Variants in ASGR1 observed in about 807,000 individuals in gnomAD.
The protein encoded by ASGR1 is asialoglycoprotein receptor 1.
In ASGR1, 35 loss-of-function variants were observed where a neutral mutation model predicts 33.1. That is an observed-to-expected ratio of 1.06 (90% confidence interval 0.81 to 1.40). The LOEUF is 1.40. ASGR1 is among the 40% of genes most tolerant of loss of function. The probability of loss-of-function intolerance (pLI) is 0.00; values close to 1 mark genes in which losing one functional copy is unlikely to be tolerated. For missense variants in ASGR1, 396 were observed against 373.7 expected, an observed-to-expected ratio of 1.06 and a Z score of -0.49; for synonymous variants, 142 against 152.5, an observed-to-expected ratio of 0.93 and a Z score of 0.51.
chr17:7,173,619 C>T lies in ASGR1; in HGVS notation c.*40G>A, dbSNP rs942657031. 5.0e-6 allele frequency: 8 copies of T among 1,610,780 alleles called. No individual in the cohort carries two copies. Among genetic ancestry groups the T allele is most frequent in the Non-Finnish European group, 6.8e-6 (8 of 1,179,832 alleles). The stretch of plus-strand genomic sequence containing the variant: ...GCCCCCAGATGGGCGGATTCCCAAT[C>T]CCGGACCCCTGCGGCAGGTCGAGGC... On this transcript the variant is annotated 3_prime_UTR_variant, in exon 9 of 9. Coordinates refer to ENST00000269299, the MANE Select transcript of ASGR1 (RefSeq NM_001671.5). This position sits in a 1 kb window ranked among gnomAD's most constrained non-coding sequence, Gnocchi z 4.7.
At chr17:7,174,939 A>G (rs2069177833) in intron 5 of ASGR1, among the ~76,000 whole-genome samples, 2 of 148,106 alleles carry the variant, frequency 1.4e-5, no homozygotes, top group Non-Finnish European at 3.0e-5. Flanking sequence ...ACCCACATAC[A>G]CAAAACACAC....
In ASGR1 at chr17:7,173,936, A is replaced by C; in HGVS notation, c.701+25T>G. 1 of 1,613,672 alleles carries C rather than the reference A, an allele frequency of 6.2e-7. No individual in the cohort carries two copies. Among genetic ancestry groups the C allele is most frequent in the Non-Finnish European group, 8.5e-7 (1 of 1,179,806 alleles). ...CCAGGGCGCGAAGGCGGCCGGACCC[A>C]GGCCGAGGGAGGGCGCGCACTCACT... is the stretch of plus-strand genomic sequence containing the variant. On this transcript the variant is annotated intron_variant, in intron 8 of 8. Coordinates refer to ENST00000269299, the MANE Select transcript of ASGR1 (RefSeq NM_001671.5). This position sits in a 1 kb window ranked among gnomAD's most constrained non-coding sequence, Gnocchi z 4.7.
At chr17:7,174,946 AC>A (rs2069178013) in intron 5 of ASGR1, among the ~76,000 whole-genome samples, 1 of 150,742 alleles carries the variant, frequency 6.6e-6, no homozygotes, top group African/African-American at 2.4e-5. Context: ...TACACAAAAC[AC>A]ACCCACAGAC....
At position 7,176,874 on chromosome 17, in the gene ASGR1, G is replaced by T. The variant is rs764709021; in HGVS notation, c.311C>A (p.Ser104Ter). The change falls in exon 5 of 9, where the codon TCG becomes TAG. Residue 104 changes from serine to a stop codon, truncating the protein, a stop_gained. Transcript: ENST00000269299. LOFTEE classifies it high-confidence loss of function. The stretch of plus-strand genomic sequence containing the variant: ...CTGTTTCTCCAGCTGGGACTCTAGC[G>T]ACTTCATCTTTCTTCCCACATTGCC... ...QGGNVGRKMK[S>*]LESQLEKQQK... is the part of the protein sequence containing the mutation. 1 of 1,612,910 alleles carries T rather than the reference G, an allele frequency of 6.2e-7. No individual in the cohort carries two copies. Among genetic ancestry groups the T allele is most frequent in the African/African-American group, 1.3e-5 (1 of 74,748 alleles).
Position 7,173,549 on chromosome 17 carries a change from C to CT in ASGR1, c.*109dup. 1.4e-6 allele frequency: 2 copies of CT among 1,444,696 alleles called. No individual in the cohort carries two copies. The highest frequency in any genetic ancestry group is 1.9e-6 in the Non-Finnish European group (2 of 1,064,324). 89.5% of individuals were successfully genotyped at this position (1,444,696 alleles called of 1,614,324 possible). A position where few individuals can be genotyped will look rare whatever the true frequency, so the allele number is the denominator to read the frequency against. Reference sequence around the variant, plus strand: ...TTCGGAACATCACCCTATCCTTCCCCTTCCCTTAAAATCCTAGATGAAAAT... The same window carrying CT: ...TTCGGAACATCACCCTATCCTTCCCCTTTCCCTTAAAATCCTAGATGAAAAT... On this transcript the variant is annotated 3_prime_UTR_variant, in exon 9 of 9. Coordinates refer to ENST00000269299, the MANE Select transcript of ASGR1 (RefSeq NM_001671.5). This position sits in a 1 kb window ranked among gnomAD's most constrained non-coding sequence, Gnocchi z 4.7.
chr17:7,176,782 TCA>T (rs1184588815), intron 5 of ASGR1, 46 bp downstream of exon 5: 5 of 1,580,434 alleles, frequency 3.2e-6, no homozygotes, highest in Admixed American at 1.7e-5. Flanking sequence ...CCACACATTC[TCA>T]CTCTCTTTCA....
At chr17:7,177,436 CA>C in intron 2 of ASGR1, 110 bp from the exon 3 acceptor site, 1 of 810,200 alleles carries the variant, frequency 1.2e-6, no homozygotes, top group Middle Eastern at 3.7e-4. Flanking sequence ...TAGGAGGAAC[CA>C]TGTACATGAA....
At chr17:7,178,721 TTTC>T (rs1422258550) in intron 1 of ASGR1, 133 bp from the exon 2 acceptor site, 1 of 502,268 alleles carries the variant, frequency 2.0e-6, no homozygotes, top group Non-Finnish European at 3.3e-6. Flanking sequence ...TTCTTTTCTT[TTTC>T]TTTTTTTTCT....
rs2069159566 is a variant in ASGR1 at position 7,173,629 on chromosome 17, T to A, written c.*30A>T. On this transcript the variant is annotated 3_prime_UTR_variant, in exon 9 of 9. Coordinates refer to ENST00000269299, the MANE Select transcript of ASGR1 (RefSeq NM_001671.5). The surrounding 1 kb of genome is among the most constrained non-coding windows in gnomAD (Gnocchi z 4.7). Reference sequence around the variant, plus strand: ...GGGCGGATTCCCAATCCCGGACCCCTGCGGCAGGTCGAGGCATTGAAGAAA... The same window carrying A: ...GGGCGGATTCCCAATCCCGGACCCCAGCGGCAGGTCGAGGCATTGAAGAAA... 1.2e-6 allele frequency: 2 copies of A among 1,611,196 alleles called. No homozygotes were observed.
chr17:7,175,551 ACAC>A (rs1004064815), intron 5 of ASGR1, among the ~76,000 whole-genome samples: 2 of 151,610 alleles, frequency 1.3e-5, no homozygotes, highest in African/African-American at 4.9e-5. Context: ...ATGCACATTC[ACAC>A]AACACGCACA....
Position 7,173,512 on chromosome 17 carries a change from A to C in ASGR1, c.*147T>G. On this transcript the variant is annotated 3_prime_UTR_variant, in exon 9 of 9. Transcript: ENST00000269299. This position sits in a 1 kb window ranked among gnomAD's most constrained non-coding sequence, Gnocchi z 4.7. The stretch of plus-strand genomic sequence containing the variant: ...AACTGCAGAAAGCGCCACGGGTTTC[A>C]AGCTCCTCACCTTCGGAACATCACC... 2.6e-6 allele frequency: 3 copies of C among 1,153,428 alleles called. No individual in the cohort carries two copies. The highest frequency in any genetic ancestry group is 1.6e-5 in the South Asian group (1 of 63,626). The allele number at this position is 1,153,428 out of a possible 1,614,324, so 71.4% of individuals were successfully genotyped here. A position where few individuals can be genotyped will look rare whatever the true frequency, so the allele number is the denominator to read the frequency against.
In ASGR1 at chr17:7,178,602, G is replaced by A; in HGVS notation, c.-25-14C>T. On this transcript the variant is annotated splice_polypyrimidine_tract_variant and intron_variant, in intron 1 of 8. Transcript: ENST00000269299. ...CTGGACCTGGGACTGAGTCAAGACT[G>A]AGGCTGGGGCTGAGGTGGGGGCTCA... The A allele has an allele frequency of 6.3e-7, 1 of 1,596,384 alleles. No individual in the cohort carries two copies. Among genetic ancestry groups the A allele is most frequent in the African/African-American group, 1.3e-5 (1 of 74,666 alleles).
chr17:7,176,847 TG>T lies in ASGR1; in HGVS notation c.337del (p.Gln113ArgfsTer4). 6.2e-7 allele frequency: 1 copy of T among 1,612,802 alleles called. No homozygotes were observed. Among genetic ancestry groups the T allele is most frequent in the Non-Finnish European group, 8.5e-7 (1 of 1,179,938 alleles). ...TCTCTGACCTTCACTCAGGTCCTTC[TG>T]CTGTTTCTCCAGCTGGGACTCTAGC... ...KSLESQLEKQ[Q>X]KDLSEDHSSL... On this transcript the variant is annotated frameshift_variant, in exon 5 of 9. Transcript: ENST00000269299. LOFTEE classifies it high-confidence loss of function.
At chr17:7,174,639 A>T (rs1003111008) in intron 5 of ASGR1, among the ~76,000 whole-genome samples, 179 bp from the exon 6 acceptor site, 1 of 151,506 alleles carries the variant, frequency 6.6e-6, no homozygotes, top group South Asian at 2.1e-4. Context: ...ACTCCTACAC[A>T]CACAACACAC....
At chr17:7,177,574 A>T in intron 2 of ASGR1, 2 of 456,390 alleles carry the variant, frequency 4.4e-6, no homozygotes, top group Non-Finnish European at 7.8e-6. Context: ...TTTTGCTGAC[A>T]CCTAATGGCA....
At chr17:7,175,841 ATC>A (rs1346691176) in intron 5 of ASGR1, among the ~76,000 whole-genome samples, 2 of 131,212 alleles carry the variant, frequency 1.5e-5, no homozygotes, top group African/African-American at 6.7e-5. Context: ...ACACACACCC[ATC>A]TCATTCTCAC....
chr17:7,177,618 A>G, intron 2 of ASGR1: 1 of 330,966 alleles, frequency 3.0e-6, no homozygotes, highest in Admixed American at 4.4e-5. Flanking sequence ...CAGGAACCTC[A>G]GTCCACCCCC....
intron 2 of ASGR1, 72 bp from the exon 3 acceptor site, chr17:7,177,398 G>A: frequency 7.7e-7 from 1 of 1,303,946 alleles, no homozygotes; most frequent in Admixed American, 2.2e-5. Context: ...TCCTAAAAGG[G>A]TAGCAAGCTA....
chr17:7,177,648 G>A (rs1175670467), intron 2 of ASGR1: 2 of 280,094 alleles, frequency 7.1e-6, no homozygotes, highest in Non-Finnish European at 1.3e-5. Flanking sequence ...GCCTTGAAAC[G>A]CAATTGAGTG....
Sources: gnomAD v4.1 joint callset for allele counts (sites outside exome capture counted in the v4.1 genomes callset) on GRCh38, gnomAD v4.1.1 for gene constraint, Gnocchi (gnomAD v3.1) non-coding constraint, MANE v1.5 for transcripts, NCBI Gene and HGNC (gene_info 2026-07-23, HGNC 2026-07-21) for gene names.